The following RORA variants were observed in gnomAD, a reference collection of about 807,000 sequenced individuals.
RORA encodes the protein nuclear receptor ROR-alpha.
RORA carries 7 observed loss-of-function variants against 69.5 expected under a neutral mutation model. That is an observed-to-expected ratio of 0.10 (90% CI 0.06 to 0.19). The LOEUF is 0.19. Among genes scored for constraint, RORA ranks in the 10% least tolerant of loss-of-function variants. RORA has a pLI of 1.00. For synonymous variants in RORA, 261 were observed against 240.8 expected (o/e 1.08, Z -0.78); for missense variants, 457 against 663.0 (o/e 0.69, Z 3.41).
chr15:61,214,001 A>G (rs1232980503), intron 1 of RORA: 1 of 152,262 alleles, frequency 6.6e-6, no homozygotes, highest in Non-Finnish European at 1.5e-5. Context: ...TCCTGAGGGC[A>G]TTCACCGAAT....
intron 2 of RORA, among the ~76,000 whole-genome samples, chr15:60,641,366 A>G (rs913753048): frequency 1.3e-5 from 2 of 152,178 alleles, no homozygotes; most frequent in Admixed American, 1.3e-4. Flanking sequence ...GGATAAAAAT[A>G]TCGTCCTGAA....
At chr15:61,205,494 G>C (rs1408190696) in intron 1 of RORA, among the ~76,000 whole-genome samples, 4 of 152,218 alleles carry the variant, frequency 2.6e-5, no homozygotes, top group Non-Finnish European at 5.9e-5. Context: ...AGCAAGATCA[G>C]AGTTTCGCTT....
At chr15:60,640,191 G>T (rs2069918064) in intron 2 of RORA, among the ~76,000 whole-genome samples, 1 of 152,208 alleles carries the variant, frequency 6.6e-6, no homozygotes. Flanking sequence ...GCACTACTAA[G>T]TGCTCAGCAT....
chr15:61,109,109 T>C (rs770450937), intron 1 of RORA, among the ~76,000 whole-genome samples: 4 of 152,098 alleles, frequency 2.6e-5, no homozygotes, highest in Non-Finnish European at 4.4e-5. Context: ...GGCACGAGAA[T>C]AGCTTGAACC....
intron 1 of RORA, among the ~76,000 whole-genome samples, chr15:60,988,345 T>C (rs988266164): frequency 2.0e-5 from 3 of 152,142 alleles, no homozygotes; most frequent in Non-Finnish European, 2.9e-5. Flanking sequence ...AGTCATAGCA[T>C]GCTAATAGCC....
At chr15:60,908,346 T>C (rs762830358) in intron 1 of RORA, among the ~76,000 whole-genome samples, 5 of 152,146 alleles carry the variant, frequency 3.3e-5, no homozygotes, top group Admixed American at 6.5e-5. Flanking sequence ...AAACAAAAAA[T>C]ACTAATCAAA....
At chr15:61,006,955 G>C (rs116393273) in intron 1 of RORA, among the ~76,000 whole-genome samples, 145 of 152,078 alleles carry the variant, frequency 9.5e-4, no homozygotes, top group African/African-American at 3.4e-3. Context: ...TTAAATTCCA[G>C]AATCTCAATT....
At chr15:61,049,842 G>A (rs1428546625) in intron 1 of RORA, among the ~76,000 whole-genome samples, 3 of 152,026 alleles carry the variant, frequency 2.0e-5, no homozygotes, top group Non-Finnish European at 4.4e-5. Context: ...CATATTTTTA[G>A]TAGAAACGAG....
intron 1 of RORA, among the ~76,000 whole-genome samples, chr15:60,931,867 C>G (rs1437272609): frequency 1.3e-5 from 2 of 152,174 alleles, no homozygotes; most frequent in Non-Finnish European, 2.9e-5. Flanking sequence ...AATATTGATT[C>G]CTTCAATATT....
At chr15:60,639,757 T>C (rs1441628125) in intron 2 of RORA, among the ~76,000 whole-genome samples, 1 of 152,212 alleles carries the variant, frequency 6.6e-6, no homozygotes, top group Non-Finnish European at 1.5e-5. Context: ...GAGCCGACCC[T>C]GACTCACGGG....
chr15:60,983,051 C>T (rs927323424), intron 1 of RORA, among the ~76,000 whole-genome samples: 1 of 152,002 alleles, frequency 6.6e-6, no homozygotes, highest in Non-Finnish European at 1.5e-5. Flanking sequence ...AGGTATAAAC[C>T]AAAAATTAAA....
At chr15:60,508,797 C>G (rs1259657859) in intron 5 of RORA, among the ~76,000 whole-genome samples, 1 of 152,198 alleles carries the variant, frequency 6.6e-6, no homozygotes, top group Non-Finnish European at 1.5e-5. Flanking sequence ...AGTATATCAG[C>G]TGTTTCTCCT....
chr15:60,548,723 C>T (rs1005103155), intron 2 of RORA, among the ~76,000 whole-genome samples: 1 of 152,172 alleles, frequency 6.6e-6, no homozygotes, highest in African/African-American at 2.4e-5. Flanking sequence ...CTGCAACCTC[C>T]ACCTCCCAGG....
chr15:61,027,480 A>T (rs983820786), intron 1 of RORA, among the ~76,000 whole-genome samples: 9 of 152,190 alleles, frequency 5.9e-5, no homozygotes, highest in Non-Finnish European at 1.3e-4. Context: ...TTGATCCATA[A>T]CTATACTACT....
At chr15:60,840,997 T>C (rs2073190362) in intron 1 of RORA, 1 of 666,766 alleles carries the variant, frequency 1.5e-6, no homozygotes, top group Admixed American at 6.3e-5. Flanking sequence ...TACCACCTCC[T>C]TCCTCGACAA....
At chr15:61,135,281 T>C (rs532847997) in intron 1 of RORA, among the ~76,000 whole-genome samples, 1 of 151,714 alleles carries the variant, frequency 6.6e-6, no homozygotes, top group South Asian at 2.1e-4. Flanking sequence ...CAGTGAGCCA[T>C]GATTATGCCA....
intron 1 of RORA, among the ~76,000 whole-genome samples, chr15:61,175,551 A>AAAAAAAAAC (rs2079620788): frequency 6.6e-6 from 1 of 151,326 alleles, no homozygotes; most frequent in Non-Finnish European, 1.5e-5. Flanking sequence ...TAAAAAAAAA[A>AAAAAAAAAC]AAAAAAAACT....
Position 60,493,985 on chromosome 15 carries a change from A to ACACACACT in RORA, c.*3469_*3470insAGTGTGTG, listed in dbSNP as rs1437634282. On this transcript the variant is annotated 3_prime_UTR_variant, in exon 11 of 11. Coordinates refer to ENST00000335670, the MANE Select transcript of RORA (RefSeq NM_134261.3). Reference sequence around the variant, plus strand: ...CACACACACACACACACACACACACACACTCCTTCCTCACCTGACCCTCAG... The same window carrying ACACACACT: ...CACACACACACACACACACACACACACACACACTCACTCCTTCCTCACCTGACCCTCAG... The ACACACACT allele has an allele frequency of 1.4e-5, 2 of 138,908 alleles. No homozygotes were observed. The highest frequency in any genetic ancestry group is 2.6e-5 in the African/African-American group (1 of 38,440). The allele number at this position is 138,908 out of a possible 1,614,324, so 8.6% of individuals were successfully genotyped here.
intron 1 of RORA, among the ~76,000 whole-genome samples, chr15:60,994,927 A>T (rs1894487067): frequency 6.6e-6 from 1 of 152,176 alleles, no homozygotes; most frequent in African/African-American, 2.4e-5. Context: ...AGGGCCAGAA[A>T]CTTTAAAAGG....
Sources: gnomAD v4.1 joint callset for allele counts (sites outside exome capture counted in the v4.1 genomes callset) on GRCh38, gnomAD v4.1.1 for gene constraint, MANE v1.5 for transcripts, NCBI Gene and HGNC (gene_info 2026-07-23, HGNC 2026-07-21) for gene names.